Variants in MIPOL1 observed in about 807,000 individuals in gnomAD.
The protein encoded by MIPOL1 is mirror-image polydactyly gene 1 protein.
MIPOL1 carries 57 observed loss-of-function variants against 60.9 expected under a neutral mutation model. The ratio of observed to expected loss-of-function variants is 0.94; its 90% CI spans 0.76 to 1.17. The LOEUF is 1.17. Ranked by LOEUF, MIPOL1 falls within the 50% of genes most tolerant of loss-of-function variation. The pLI is 0.00. For synonymous variants in MIPOL1, 179 were observed against 168.8 expected (o/e 1.06, Z -0.47); for missense variants, 551 against 511.6 (o/e 1.08, Z -0.74).
chr14:37,385,961 C>A (rs1326369079), intron 10 of MIPOL1, among the ~76,000 whole-genome samples: 2 of 151,786 alleles, frequency 1.3e-5, no homozygotes, highest in Non-Finnish European at 2.9e-5. Context: ...CTTTTTATAT[C>A]TTTTGCTTTA....
chr14:37,532,767 G>A (rs1313458438), intron 12 of MIPOL1, among the ~76,000 whole-genome samples: 1 of 152,108 alleles, frequency 6.6e-6, no homozygotes, highest in Non-Finnish European at 1.5e-5. Flanking sequence ...CCTATTTTGA[G>A]TAAATCACCT....
At chr14:37,537,771 T>A (rs1014044309) in intron 12 of MIPOL1, among the ~76,000 whole-genome samples, 1 of 152,176 alleles carries the variant, frequency 6.6e-6, no homozygotes, top group Non-Finnish European at 1.5e-5. Context: ...ATATATTGAA[T>A]GTTGAAAGAC....
intron 10 of MIPOL1, among the ~76,000 whole-genome samples, chr14:37,409,490 C>CA (rs1230174314): frequency 6.6e-6 from 1 of 151,960 alleles, no homozygotes; most frequent in African/African-American, 2.4e-5. Flanking sequence ...TATACACAGC[C>CA]AAAAAAATAA....
At chr14:37,419,946 G>T (rs184881419) in intron 10 of MIPOL1, among the ~76,000 whole-genome samples, 2 of 151,948 alleles carry the variant, frequency 1.3e-5, no homozygotes, top group Non-Finnish European at 2.9e-5. Context: ...TTGCTATGTT[G>T]TCCAGGCTGA....
At chr14:37,287,195 A>AT (rs1395039878) in intron 7 of MIPOL1, among the ~76,000 whole-genome samples, 24 of 150,688 alleles carry the variant, frequency 1.6e-4, no homozygotes, top group Admixed American at 7.3e-4. Context: ...TTGACTATAT[A>AT]TGTATATATG....
intron 12 of MIPOL1, chr14:37,507,747 G>A (rs992786809): frequency 5.9e-5 from 9 of 152,082 alleles, no homozygotes; most frequent in East Asian, 1.9e-4. Context: ...AGAACCTAAA[G>A]TATAATAAAA....
At chr14:37,241,766 C>T (rs1972404466) in intron 1 of MIPOL1, among the ~76,000 whole-genome samples, 1 of 151,832 alleles carries the variant, frequency 6.6e-6, no homozygotes, top group Non-Finnish European at 1.5e-5. Context: ...ACTTTAGAAC[C>T]CTGAATTTAG....
intron 11 of MIPOL1, among the ~76,000 whole-genome samples, chr14:37,441,505 T>C (rs1464542911): frequency 6.6e-6 from 1 of 152,122 alleles, no homozygotes; most frequent in African/African-American, 2.4e-5. Flanking sequence ...TTCTCCAGTG[T>C]ATGTTATTGT....
intron 3 of MIPOL1, chr14:37,265,210 G>C (rs1181836465): frequency 6.6e-6 from 1 of 151,936 alleles, no homozygotes; most frequent in African/African-American, 2.4e-5. Flanking sequence ...TTGGCAGTTT[G>C]CTACTTCGCA....
intron 9 of MIPOL1, among the ~76,000 whole-genome samples, chr14:37,339,870 T>C (rs2090442650): frequency 6.6e-6 from 1 of 152,182 alleles, no homozygotes; most frequent in African/African-American, 2.4e-5. Flanking sequence ...ACCAAGATAT[T>C]TTCTGGTAGA....
chr14:37,438,020 A>T (rs1381092639), intron 11 of MIPOL1, among the ~76,000 whole-genome samples: 1 of 152,048 alleles, frequency 6.6e-6, no homozygotes, highest in Non-Finnish European at 1.5e-5. Context: ...TGTAGTTAAG[A>T]TGGTTGATTT....
At chr14:37,431,053 G>T (rs566811990) in intron 11 of MIPOL1, among the ~76,000 whole-genome samples, 67 of 152,318 alleles carry the variant, frequency 4.4e-4, no homozygotes, top group African/African-American at 1.6e-3. Flanking sequence ...GTTGTGCCTA[G>T]CAAAGGACCC....
chr14:37,243,635 T>C (rs1396828405), intron 1 of MIPOL1, among the ~76,000 whole-genome samples: 1 of 152,152 alleles, frequency 6.6e-6, no homozygotes, highest in Non-Finnish European at 1.5e-5. Context: ...ATGAAAAATA[T>C]GGCATAAACC....
chr14:37,270,416 T>G lies in MIPOL1; in HGVS notation c.388-4T>G, dbSNP rs762204467. The stretch of plus-strand genomic sequence containing the variant: ...AATCCATGATTTTTTTCAATGTGCT[T>G]TAGCTTCAGCAGAAATTGGCTAAAG... On this transcript the variant is annotated splice_region_variant and splice_polypyrimidine_tract_variant and intron_variant, in intron 5 of 12. Coordinates refer to ENST00000684589, the MANE Select transcript of MIPOL1 (RefSeq NM_001388067.1). The G allele has an allele frequency of 5.3e-6, 8 of 1,515,952 alleles. No individual in the cohort carries two copies. The highest frequency in any genetic ancestry group is 2.3e-5 in the East Asian group (1 of 42,788). 93.9% of individuals were successfully genotyped at this position (1,515,952 alleles called of 1,614,324 possible).
rs763805677 is a variant in MIPOL1, at chr14:37,285,454, A to G, written c.623+7A>G. The G allele has an allele frequency of 8.1e-6, 13 of 1,612,806 alleles. No homozygotes were observed. The Admixed American group carries it at 1.8e-4, about 23-fold the overall frequency. On this transcript the variant is annotated splice_region_variant and intron_variant, in intron 7 of 12. Coordinates refer to ENST00000684589, the MANE Select transcript of MIPOL1 (RefSeq NM_001388067.1). ...TGGAAATGTCTCTAAAAGTGTATGTACACATTTAAAACTCAGTATGATATT... is the reference window on the plus strand; with the variant it reads ...TGGAAATGTCTCTAAAAGTGTATGTGCACATTTAAAACTCAGTATGATATT...
At chr14:37,285,770 T>C (rs1010309067) in intron 7 of MIPOL1, among the ~76,000 whole-genome samples, 2 of 151,906 alleles carry the variant, frequency 1.3e-5, no homozygotes, top group Non-Finnish European at 2.9e-5. Context: ...TTTTTTTTAC[T>C]TTTAGTAGAG....
intron 9 of MIPOL1, among the ~76,000 whole-genome samples, chr14:37,337,492 C>G (rs2090257686): frequency 6.7e-6 from 1 of 148,632 alleles, no homozygotes; most frequent in African/African-American, 2.5e-5. Flanking sequence ...CCTCAGCCTC[C>G]CGAGTTGCTA....
intron 9 of MIPOL1, among the ~76,000 whole-genome samples, chr14:37,315,488 T>A (rs549572329): frequency 2.0e-5 from 3 of 152,250 alleles, no homozygotes; most frequent in Admixed American, 2.0e-4. Flanking sequence ...AAAGTGATGG[T>A]GGTTCAGAGG....
chr14:37,385,907 TG>T (rs1384710342), intron 10 of MIPOL1: 1 of 152,066 alleles, frequency 6.6e-6, no homozygotes, highest in East Asian at 1.9e-4. Context: ...CATATAGCTT[TG>T]TTAATTTTTT....
Sources: allele counts gnomAD v4.1 joint callset (sites outside exome capture counted in the v4.1 genomes callset), GRCh38; gene constraint gnomAD v4.1.1; transcripts MANE v1.5; gene names NCBI Gene and HGNC (gene_info 2026-07-23, HGNC 2026-07-21).